Variants in NSD2 observed in about 807,000 individuals in gnomAD.
NSD2 encodes the protein histone-lysine N-methyltransferase NSD2.
NSD2 carries 12 observed loss-of-function variants against 139.0 expected under a neutral mutation model. The ratio of observed to expected loss-of-function variants is 0.09; its 90% CI spans 0.06 to 0.14. The LOEUF is 0.14. Among genes scored for constraint, NSD2 ranks in the 10% least tolerant of loss-of-function variants. The pLI is 1.00. For synonymous variants in NSD2, 669 were observed against 648.7 expected (o/e 1.03, Z -0.48); for missense variants, 1,155 against 1,745.0 (o/e 0.66, Z 6.02).
At chr4:1,917,696 A>C (rs1382090807) in intron 4 of NSD2, among the ~76,000 whole-genome samples, 1 of 151,908 alleles carries the variant, frequency 6.6e-6, no homozygotes, top group Non-Finnish European at 1.5e-5. Flanking sequence ...CTCAGCCTCC[A>C]CAGGTGCTGG....
At chr4:1,949,861 A>G (rs1027210519) in intron 9 of NSD2, among the ~76,000 whole-genome samples, 4 of 152,156 alleles carry the variant, frequency 2.6e-5, no homozygotes, top group African/African-American at 7.2e-5. Context: ...CGCTCCCTGC[A>G]ATGTCAGCTA....
At chr4:1,892,799 C>T (rs1715695009) in intron 1 of NSD2, 1 of 151,688 alleles carries the variant, frequency 6.6e-6, no homozygotes, top group South Asian at 2.1e-4. Context: ...GAACTCCTGA[C>T]CTTGTGATCC....
At chr4:1,872,253 G>A (rs991244172) in intron 1 of NSD2, among the ~76,000 whole-genome samples, 1 of 152,142 alleles carries the variant, frequency 6.6e-6, no homozygotes, top group Non-Finnish European at 1.5e-5. Flanking sequence ...CGGCGTCCGG[G>A]CCTCCGCCTG....
Position 1,978,852 on chromosome 4 carries a change from G to A in NSD2, c.4041G>A (p.Lys1347=). 1.2e-6 allele frequency: 2 copies of A among 1,601,522 alleles called. No individual in the cohort carries two copies. The highest frequency in any genetic ancestry group is 1.7e-6 in the Non-Finnish European group (2 of 1,171,282). The stretch of plus-strand genomic sequence containing the variant: ...AGAAGCCCCCCCCAGAGCCAGGGAA[G>A]CCGAAGGGGAAGAGGCGGCGGCGGA... ...KTEKPPPEPG[K]PKGKRRRRRG... is the part of the protein sequence containing the mutation. Residue 1347 remains lysine (K), a synonymous_variant, in exon 22 of 22, where the codon AAG becomes AAA. Transcript: ENST00000508803.
intron 9 of NSD2, chr4:1,940,932 C>T: frequency 9.5e-7 from 1 of 1,056,934 alleles, no homozygotes; most frequent in Non-Finnish European, 1.1e-6. Flanking sequence ...GGATTTTCTG[C>T]AGGGACTCAA....
chr4:1,935,032 C>A (rs753604188), intron 6 of NSD2, 112 bp from the exon 7 acceptor site: 2 of 653,338 alleles, frequency 3.1e-6, no homozygotes, highest in Non-Finnish European at 5.0e-6. Context: ...TTACAGGAAA[C>A]CCATCATGGG....
At chr4:1,961,307 G>A (rs1006548474) in intron 18 of NSD2, among the ~76,000 whole-genome samples, 156 bp downstream of exon 18, 3 of 152,154 alleles carry the variant, frequency 2.0e-5, no homozygotes, top group Non-Finnish European at 4.4e-5. Flanking sequence ...GAGGTGCAGC[G>A]TGTCTTTCAG....
At chr4:1,917,065 T>G in intron 4 of NSD2, 28 bp downstream of exon 4, 1 of 1,540,530 alleles carries the variant, frequency 6.5e-7, no homozygotes, top group South Asian at 1.2e-5. Flanking sequence ...AGTCTACTTT[T>G]AGACCAGAAA....
At chr4:1,909,115 C>T (rs1240224584) in intron 3 of NSD2, among the ~76,000 whole-genome samples, 1 of 152,098 alleles carries the variant, frequency 6.6e-6, no homozygotes, top group African/African-American at 2.4e-5. Flanking sequence ...CTTAAATCCT[C>T]ACATTGTCCC....
At chr4:1,924,773 G>T (rs1281086990) in intron 5 of NSD2, among the ~76,000 whole-genome samples, 1 of 151,552 alleles carries the variant, frequency 6.6e-6, no homozygotes, top group African/African-American at 2.4e-5. Flanking sequence ...AACAAAACAA[G>T]AAAATTAACG....
intron 20 of NSD2, 74 bp downstream of exon 20, chr4:1,975,474 G>A (rs1326496393): frequency 1.2e-5 from 16 of 1,345,050 alleles, no homozygotes; most frequent in Admixed American, 5.6e-5. Flanking sequence ...TGTGTCCCCC[G>A]TGAACAGCGG....
chr4:1,957,407 C>T lies in NSD2; in HGVS notation c.2882-526C>T, dbSNP rs139799356. On this transcript the variant is annotated intron_variant, in intron 15 of 21. Coordinates refer to ENST00000508803, the MANE Select transcript of NSD2 (RefSeq NM_001042424.3). ...CAAGCAATTCTCCTGCCTCAGTCTC[C>T]CAAGTAGCTGGGACCATACGCACCT... Among the ~76,000 whole-genome samples the T allele has an allele frequency of 6.3e-3, 957 of 151,706 alleles. 9 individuals carry two copies. Among genetic ancestry groups the T allele is most frequent in the East Asian group, 0.018 (92 of 5,164 alleles).
At chr4:1,951,924 A>T in intron 10 of NSD2, 184 bp from the exon 11 acceptor site, 3 of 928,842 alleles carry the variant, frequency 3.2e-6, no homozygotes, top group Non-Finnish European at 4.6e-6. Flanking sequence ...ATCTGGTTTT[A>T]ATCTGATTCT....
intron 1 of NSD2, chr4:1,893,725 T>G (rs1212455450): frequency 1.3e-5 from 2 of 152,300 alleles, no homozygotes; most frequent in African/African-American, 2.4e-5. Context: ...TGTATTTTTT[T>G]GCAGAGACAA....
At chr4:1,873,770 G>A (rs911022665) in intron 1 of NSD2, among the ~76,000 whole-genome samples, 3 of 145,426 alleles carry the variant, frequency 2.1e-5, no homozygotes, top group African/African-American at 7.3e-5. Context: ...TAAGCTACAG[G>A]ATTCTCTTTA....
intron 5 of NSD2, among the ~76,000 whole-genome samples, chr4:1,923,121 T>C (rs1454407328): frequency 6.6e-6 from 1 of 151,940 alleles, no homozygotes; most frequent in Non-Finnish European, 1.5e-5. Context: ...TTTGTCACCA[T>C]GGGAGAGGGA....
At position 1,923,722 on chromosome 4, in the gene NSD2, C is replaced by A. The variant is rs192793195; in HGVS notation, c.1410+5099C>A. 5.9e-5 allele frequency among the ~76,000 whole-genome samples: 9 copies of A among 152,242 alleles called. No individual in the cohort carries two copies. In the East Asian group the frequency reaches 1.7e-3, roughly 29 times the overall value. On this transcript the variant is annotated intron_variant, in intron 5 of 21. Coordinates refer to ENST00000508803, the MANE Select transcript of NSD2 (RefSeq NM_001042424.3). ...ACAGTTTTACTCCTAGATATTTACC[C>A]TAGAGTAATTTTGCCCTTGCACGCA...
At chr4:1,906,803 G>GGT (rs1286016853) in intron 3 of NSD2, among the ~76,000 whole-genome samples, 1 of 151,634 alleles carries the variant, frequency 6.6e-6, no homozygotes, top group African/African-American at 2.4e-5. Flanking sequence ...TGGGATTATA[G>GGT]GTGTGTGCCA....
intron 1 of NSD2, among the ~76,000 whole-genome samples, chr4:1,872,564 TTGTGTGTGTGTGTG>T (rs752377919): frequency 8.9e-5 from 9 of 101,170 alleles, no homozygotes; most frequent in African/African-American, 2.6e-4. Context: ...AACGTGTATT[TTGTGTGTGTGTGTG>T]TGTGTGTGTG....
Sources: allele counts gnomAD v4.1 joint callset (sites outside exome capture counted in the v4.1 genomes callset), GRCh38; gene constraint gnomAD v4.1.1; transcripts MANE v1.5; gene names NCBI Gene and HGNC (gene_info 2026-07-23, HGNC 2026-07-21).